CEP170B: variants seen among roughly 807,000 people sequenced by gnomAD.
CEP170B encodes centrosomal protein of 170 kDa protein B.
In CEP170B, 55 loss-of-function variants were observed where a neutral mutation model predicts 120.6. The observed-to-expected ratio is 0.46, with a 90% CI of 0.37 to 0.57. The LOEUF (loss-of-function observed/expected upper bound fraction) is 0.57, where lower values mean the gene tolerates loss of function less well. Among genes scored for constraint, CEP170B ranks in the 20% least tolerant of loss-of-function variants. CEP170B has a pLI of 0.00. For synonymous variants in CEP170B, 1,033 were observed against 954.5 expected, an observed-to-expected ratio of 1.08 and a Z score of -1.52; for missense variants, 2,212 against 2,253.3, an observed-to-expected ratio of 0.98 and a Z score of 0.37.
At chr14:104,883,805 A>G in intron 8 of CEP170B, 26 bp from the exon 9 acceptor site, 3 of 1,505,840 alleles carry the variant, frequency 2.0e-6, no homozygotes, top group South Asian at 1.3e-5. Context: ...TCGGCCTGAC[A>G]AGGTGGGGTC....
chr14:104,885,302 T>A, intron 9 of CEP170B, 67 bp from the exon 10 acceptor site: 2 of 1,456,702 alleles, frequency 1.4e-6, no homozygotes, highest in Non-Finnish European at 9.1e-7. Context: ...GGGTGGCCAG[T>A]GTCAGTGGAG....
chr14:104,895,011 G>T lies in CEP170B; in HGVS notation c.*53G>T. The T allele has an allele frequency of 2.1e-6, 3 of 1,457,172 alleles. No individual in the cohort carries two copies. In the South Asian group the frequency reaches 4.2e-5, roughly 21 times the overall value. 90.3% of individuals were successfully genotyped at this position (1,457,172 alleles called of 1,614,324 possible). On this transcript the variant is annotated 3_prime_UTR_variant, in exon 19 of 19. Transcript: ENST00000414716. The stretch of plus-strand genomic sequence containing the variant: ...CTGTGCGTGTGCGTCTCTGCCTTCC[G>T]TCCGCCGCACACCCGCCTGCCTGGC...
In CEP170B at chr14:104,884,318, G is replaced by A. The variant is rs564371749; in HGVS notation, c.1539G>A (p.Pro513=). The A allele has an allele frequency of 2.9e-5, 45 of 1,542,972 alleles. No homozygotes were observed. Among genetic ancestry groups the A allele is most frequent in the Middle Eastern group, 3.9e-4 (2 of 5,086 alleles). The change falls in exon 9 of 19, where the codon CCG becomes CCA. Residue 513 remains proline, a synonymous_variant. Coordinates refer to ENST00000414716, the MANE Select transcript of CEP170B (RefSeq NM_001112726.3). ...FMAQCLRESS[P]AARPSPEKVP... is the part of the protein sequence containing the mutation. ...CCCAGTGTCTGCGGGAGAGCTCCCC[G>A]GCCGCCCGGCCCAGCCCCGAGAAGG...
Position 104,872,437 on chromosome 14 carries a change from G to A in CEP170B, c.106-3819G>A, listed in dbSNP as rs55954377. 2.3e-5 allele frequency among the ~76,000 whole-genome samples: 3 copies of A among 128,446 alleles called. 1 individual carries two copies. The highest frequency in any genetic ancestry group is 2.2e-4 in the Admixed American group (3 of 13,412). The allele number at this position is 128,446 out of a possible 152,430, so 84.3% of individuals were successfully genotyped here. A position where few individuals can be genotyped will look rare whatever the true frequency, so the allele number is the denominator to read the frequency against. Reference sequence around the variant, plus strand: ...CCGTGGGTGTGCCGTGCGTGTGTGCGTGTGTGTGCCATGTGTGTGCGTGTG... The same window carrying A: ...CCGTGGGTGTGCCGTGCGTGTGTGCATGTGTGTGCCATGTGTGTGCGTGTG... On this transcript the variant is annotated intron_variant, in intron 2 of 18. Coordinates refer to ENST00000414716, the MANE Select transcript of CEP170B (RefSeq NM_001112726.3).
intron 13 of CEP170B, among the ~76,000 whole-genome samples, chr14:104,890,341 A>G (rs62644859): frequency 0.012 from 362 of 29,806 alleles, no homozygotes; most frequent in South Asian, 0.015. Flanking sequence ...TGGATGGATG[A>G]GTGTGTGGAT....
In CEP170B at chr14:104,896,080, G is replaced by C. The variant is rs1168020278; in HGVS notation, c.*1122G>C. ...TAAGCCAAAGAGCCCGTTGGCCGTG[G>C]TTGGTGGGGGTGGACGTGGGGGTGT... is the stretch of plus-strand genomic sequence containing the variant. On this transcript the variant is annotated 3_prime_UTR_variant, in exon 19 of 19. Coordinates refer to ENST00000414716, the MANE Select transcript of CEP170B (RefSeq NM_001112726.3). 6.3e-6 allele frequency: 1 copy of C among 158,470 alleles called. No homozygotes were observed. Among genetic ancestry groups the C allele is most frequent in the African/African-American group, 2.4e-5 (1 of 41,560 alleles). 9.8% of individuals were successfully genotyped at this position (158,470 alleles called of 1,614,324 possible).
chr14:104,877,501 G>A lies in CEP170B; in HGVS notation c.196-384G>A, dbSNP rs149947075. 3.8e-3 allele frequency among the ~76,000 whole-genome samples: 574 copies of A among 152,350 alleles called. 4 individuals are homozygous for A. The highest frequency in any genetic ancestry group is 0.013 in the African/African-American group (559 of 41,594). On this transcript the variant is annotated intron_variant, in intron 3 of 18. Coordinates refer to ENST00000414716, the MANE Select transcript of CEP170B (RefSeq NM_001112726.3). Reference sequence around the variant, plus strand: ...TTGGCCAAGGGCCACCACAGGGCAGGCCTGCCTCGACTGTTCCCAAGGGCT... The same window carrying A: ...TTGGCCAAGGGCCACCACAGGGCAGACCTGCCTCGACTGTTCCCAAGGGCT...
intron 4 of CEP170B, 36 bp from the exon 5 acceptor site, chr14:104,878,407 C>T (rs776652931): frequency 6.2e-6 from 10 of 1,603,878 alleles, no homozygotes; most frequent in South Asian, 1.1e-5. Flanking sequence ...GGGCTCCTGG[C>T]TCTTCTGCTC....
At position 104,887,675 on chromosome 14, in the gene CEP170B, T is replaced by C. The variant is rs891705607; in HGVS notation, c.3436T>C (p.Ser1146Pro). The change falls in exon 12 of 19, where the codon TCC (serine) becomes CCC (proline). Residue 1146 changes from serine to proline, a missense_variant. Coordinates refer to ENST00000414716, the MANE Select transcript of CEP170B (RefSeq NM_001112726.3). ...TGAGGCTGCGGATGGTGAGCGGGGG[T>C]CCCTGGGCAACCCTGAGCCCGTGGG... Reference protein sequence around the residue: ...DTEAADGERGSLGNPEPVGRP... With the variant: ...DTEAADGERGPLGNPEPVGRP... 2 of 1,572,174 alleles carry C rather than the reference T, an allele frequency of 1.3e-6. No individual in the cohort carries two copies. Among genetic ancestry groups the C allele is most frequent in the East Asian group, 4.7e-5 (2 of 42,708 alleles).
Position 104,884,496 on chromosome 14 carries a change from G to C in CEP170B, c.1717G>C (p.Glu573Gln). 6.4e-7 allele frequency: 1 copy of C among 1,565,212 alleles called. No homozygotes were observed. The highest frequency in any genetic ancestry group is 8.7e-7 in the Non-Finnish European group (1 of 1,154,796). The change falls in exon 9 of 19, where the codon GAG becomes CAG. Residue 573 changes from glutamate (E) to glutamine (Q), a missense_variant. By Grantham distance (29) the Glu-to-Gln change is conservative. Around this residue, in one of 2 missense-constraint regions of CEP170B, gnomAD observed 2,166 missense variants for 2,166.7 expected, o/e 1.00. Transcript: ENST00000414716. ...SLSDAGTYTI[E>Q]TEAQDTEVEE... ...CAGTGACGCAGGGACATACACCATC[G>C]AGACCGAGGCGCAGGACACGGAGGT...
chr14:104,888,892 G>A (rs1455523665), intron 12 of CEP170B, among the ~76,000 whole-genome samples: 1 of 152,150 alleles, frequency 6.6e-6, no homozygotes, highest in Non-Finnish European at 1.5e-5. Context: ...CTGCTTGGTG[G>A]AGCCTGCTGT....
At position 104,883,872 on chromosome 14, in the gene CEP170B, C is replaced by G. The variant is rs746721917; in HGVS notation, c.1093C>G (p.Pro365Ala). ...EDGTQSDSEDPLAKAASAAGV... is the reference protein window; with the variant it reads ...EDGTQSDSEDALAKAASAAGV... ...CGGCACGCAGAGTGACTCAGAGGAC[C>G]CCCTGGCCAAGGCGGCCTCGGCCGC... The change falls in exon 9 of 19, where the codon CCC becomes GCC. Residue 365 changes from proline (P) to alanine (A), a missense_variant. Around this residue, in one of 2 missense-constraint regions of CEP170B, gnomAD observed 2,166 missense variants for 2,166.7 expected, o/e 1.00. Transcript: ENST00000414716. 3 of 1,575,486 alleles carry G rather than the reference C, an allele frequency of 1.9e-6. No homozygotes were observed. Among genetic ancestry groups the G allele is most frequent in the Non-Finnish European group, 2.6e-6 (3 of 1,161,342 alleles).
intron 6 of CEP170B, among the ~76,000 whole-genome samples, chr14:104,880,959 G>A (rs2841234): frequency 0.031 from 4,665 of 152,262 alleles, 78 homozygotes; most frequent in Middle Eastern, 0.085. Flanking sequence ...ACCTGTGCAC[G>A]CCTGCACCCC....
intron 6 of CEP170B, among the ~76,000 whole-genome samples, chr14:104,882,078 G>A (rs189602134): frequency 2.6e-5 from 4 of 152,288 alleles, no homozygotes; most frequent in Middle Eastern, 3.4e-3. Flanking sequence ...TGACCTGAGG[G>A]CACTGGACAC....
At position 104,896,513 on chromosome 14, in the gene CEP170B, G is replaced by T. The variant is rs1357564796; in HGVS notation, c.*1555G>T. 4.4e-6 allele frequency: 2 copies of T among 451,450 alleles called. No individual in the cohort carries two copies. The highest frequency in any genetic ancestry group is 1.4e-4 in the East Asian group (2 of 14,284). The allele number at this position is 451,450 out of a possible 1,614,324, so 28.0% of individuals were successfully genotyped here. ...ATCCACGGCTCCTTCCCACCCCTCG[G>T]CAGTGGCTGTGCAATGTTTTAAGTT... On this transcript the variant is annotated 3_prime_UTR_variant, in exon 19 of 19. Coordinates refer to ENST00000414716, the MANE Select transcript of CEP170B (RefSeq NM_001112726.3).
chr14:104,873,374 G>A (rs1355835370), intron 2 of CEP170B, among the ~76,000 whole-genome samples: 1 of 152,002 alleles, frequency 6.6e-6, no homozygotes, highest in African/African-American at 2.4e-5. Flanking sequence ...GCAAGGATGC[G>A]GTGTGCCCAG....
chr14:104,894,774 C>T lies in CEP170B; in HGVS notation c.4481C>T (p.Ala1494Val). 1 of 1,605,166 alleles carries T rather than the reference C, an allele frequency of 6.2e-7. No individual in the cohort carries two copies. Among genetic ancestry groups the T allele is most frequent in the South Asian group, 1.1e-5 (1 of 90,862 alleles). Residue 1494 changes from alanine to valine, a missense_variant, in exon 19 of 19, where the codon GCC becomes GTC. Coordinates refer to ENST00000414716, the MANE Select transcript of CEP170B (RefSeq NM_001112726.3). ...LDLLTGNRSL[A>V]SSAQPGLGKG... Reference sequence around the variant, plus strand: ...CTGCTCACAGGAAACAGGAGCTTGGCCAGCTCTGCACAGCCGGGGCTGGGG... The same window carrying T: ...CTGCTCACAGGAAACAGGAGCTTGGTCAGCTCTGCACAGCCGGGGCTGGGG...
At chr14:104,875,102 C>T (rs968243257) in intron 2 of CEP170B, among the ~76,000 whole-genome samples, 1 of 152,120 alleles carries the variant, frequency 6.6e-6, no homozygotes, top group Non-Finnish European at 1.5e-5. Flanking sequence ...TGATGGCCAG[C>T]TGCCAGGGTG....
chr14:104,877,384 C>A (rs1350851180), intron 3 of CEP170B, among the ~76,000 whole-genome samples: 2 of 152,202 alleles, frequency 1.3e-5, no homozygotes, highest in African/African-American at 4.8e-5. Context: ...TGCCCACAGA[C>A]CTGCCTCCCA....
Sources: allele counts gnomAD v4.1 joint callset (sites outside exome capture counted in the v4.1 genomes callset), GRCh38; gene constraint gnomAD v4.1.1; regional missense constraint gnomAD v4.1.1; transcripts MANE v1.5; gene names NCBI Gene and HGNC (gene_info 2026-07-23, HGNC 2026-07-21).